The following MAGOH variants were observed in gnomAD, a reference collection of about 807,000 sequenced individuals.
The protein encoded by MAGOH is mago homolog, exon junction complex subunit.
In MAGOH, 3 loss-of-function variants were observed where a neutral mutation model predicts 20.9. That is an observed-to-expected ratio of 0.14 (90% CI 0.07 to 0.37). MAGOH has a LOEUF of 0.37. Ranked by LOEUF, MAGOH falls within the 10% of genes least tolerant of loss-of-function variation. The pLI, the probability that MAGOH is intolerant of heterozygous loss-of-function variation, is 1.00. For synonymous variants in MAGOH, 51 were observed against 61.0 expected, an observed-to-expected ratio of 0.84 and a Z score of 0.76; for missense variants, 66 against 178.1, an observed-to-expected ratio of 0.37 and a Z score of 3.58.
chr1:53,233,767 T>C lies in MAGOH; in HGVS notation c.148-115A>G. ...TGCAGACTTATTTCTGGCATCTCCT[T>C]AAGTGGGAAGACATTCATGCTCAAC... On this transcript the variant is annotated intron_variant, in intron 2 of 4. Transcript: ENST00000371470. The C allele has an allele frequency of 5.5e-6, 4 of 721,238 alleles. No individual in the cohort carries two copies. The East Asian group carries it at 1.0e-4, about 18-fold the overall frequency. 44.7% of individuals were successfully genotyped at this position (721,238 alleles called of 1,614,324 possible). A position where few individuals can be genotyped will look rare whatever the true frequency, so the allele number is the denominator to read the frequency against.
intron 2 of MAGOH, 21 bp from the exon 3 acceptor site, chr1:53,233,673 A>G (rs753335964): frequency 2.0e-6 from 3 of 1,465,694 alleles, no homozygotes; most frequent in Non-Finnish European, 2.9e-6. Flanking sequence ...GTTAAAAAAC[A>G]AAATGTATGT....
chr1:53,238,301 C>T lies in MAGOH; in HGVS notation c.88+60G>A, dbSNP rs530537709. 212 of 1,517,734 alleles carry T rather than the reference C, an allele frequency of 1.4e-4. 2 individuals are homozygous for T. In the East Asian group the frequency reaches 4.4e-3, roughly 31 times the overall value. 94.0% of individuals were successfully genotyped at this position (1,517,734 alleles called of 1,614,324 possible). A position where few individuals can be genotyped will look rare whatever the true frequency, so the allele number is the denominator to read the frequency against. Reference sequence around the variant, plus strand: ...CCCACAGATTTCCGACCCTCGGCCTCCCCACTCGCCGGCCCCCAGGCCTGG... The same window carrying T: ...CCCACAGATTTCCGACCCTCGGCCTTCCCACTCGCCGGCCCCCAGGCCTGG... On this transcript the variant is annotated intron_variant, in intron 1 of 4. Transcript: ENST00000371470.
chr1:53,227,816 G>C (rs1645567639), intron 4 of MAGOH, among the ~76,000 whole-genome samples: 1 of 152,114 alleles, frequency 6.6e-6, no homozygotes, highest in Admixed American at 6.6e-5. Flanking sequence ...TGGGATTACA[G>C]GTGTGAGCCA....
In MAGOH at chr1:53,228,926, T is replaced by C. The variant is rs145097978; in HGVS notation, c.287A>G (p.His96Arg). 1 of 1,613,406 alleles carries C rather than the reference T, an allele frequency of 6.2e-7. No homozygotes were observed. Among genetic ancestry groups the C allele is most frequent in the Non-Finnish European group, 8.5e-7 (1 of 1,179,352 alleles). Residue 96 changes from histidine (H) to arginine (R), a missense_variant, in exon 4 of 5, where the codon CAC becomes CGC. Physicochemically the swap from His to Arg is conservative, Grantham distance 29. Coordinates refer to ENST00000371470, the MANE Select transcript of MAGOH (RefSeq NM_002370.4). ...QELEIVIGDEHISFTTSKIGS... is the reference protein window; with the variant it reads ...QELEIVIGDERISFTTSKIGS... ...AATTTTTGATGTTGTAAAAGAAATG[T>C]GTTCATCTCCAATGACGATTTCAAG... is the stretch of plus-strand genomic sequence containing the variant.
At position 53,226,983 on chromosome 1, in the gene MAGOH, G is replaced by T; in HGVS notation, c.*62C>A. The T allele has an allele frequency of 1.2e-6, 1 of 805,836 alleles. No homozygotes were observed. The highest frequency in any genetic ancestry group is 2.8e-5 in the Admixed American group (1 of 35,314). 49.9% of individuals were successfully genotyped at this position (805,836 alleles called of 1,614,324 possible). A position where few individuals can be genotyped will look rare whatever the true frequency, so the allele number is the denominator to read the frequency against. On this transcript the variant is annotated 3_prime_UTR_variant, in exon 5 of 5. Coordinates refer to ENST00000371470, the MANE Select transcript of MAGOH (RefSeq NM_002370.4). ...CATTTATAGTTCATAAAAAAATACT[G>T]CCCTGATATACACAAAATTTTCTAC...
At chr1:53,227,695 G>A (rs1168819558) in intron 4 of MAGOH, among the ~76,000 whole-genome samples, 1 of 151,854 alleles carries the variant, frequency 6.6e-6, no homozygotes, top group African/African-American at 2.4e-5. Flanking sequence ...CATGCACCAC[G>A]CCTGGCTAAT....
intron 3 of MAGOH, among the ~76,000 whole-genome samples, chr1:53,229,255 C>A (rs561146249): frequency 1.3e-5 from 2 of 150,584 alleles, no homozygotes; most frequent in Non-Finnish European, 3.0e-5. Context: ...CTGGAGTGCA[C>A]TGGCATGATC....
In MAGOH at chr1:53,238,513, G is replaced by T; in HGVS notation, c.-65C>A. 1 of 1,441,606 alleles carries T rather than the reference G, an allele frequency of 6.9e-7. No homozygotes were observed. Among genetic ancestry groups the T allele is most frequent in the Non-Finnish European group, 9.8e-7 (1 of 1,023,334 alleles). 89.3% of individuals were successfully genotyped at this position (1,441,606 alleles called of 1,614,324 possible). On this transcript the variant is annotated 5_prime_UTR_variant, in exon 1 of 5. Coordinates refer to ENST00000371470, the MANE Select transcript of MAGOH (RefSeq NM_002370.4). ...AGCCGCACTGCCGCCGTCTGCGCCC[G>T]ACACTGACGTTTGCGGCGGCGCGCG...
At chr1:53,232,785 A>G (rs1329630601) in intron 3 of MAGOH, among the ~76,000 whole-genome samples, 1 of 152,230 alleles carries the variant, frequency 6.6e-6, no homozygotes, top group African/African-American at 2.4e-5. Context: ...TCAGTGGAAT[A>G]CATAAGCAAA....
At chr1:53,235,694 A>G in intron 1 of MAGOH, 59 bp from the exon 2 acceptor site, 1 of 1,411,114 alleles carries the variant, frequency 7.1e-7, no homozygotes, top group Non-Finnish European at 1.0e-6. Flanking sequence ...AAGCATCAAT[A>G]CCATGCCAAG....
At chr1:53,229,774 C>G (rs999199405) in intron 3 of MAGOH, among the ~76,000 whole-genome samples, 2 of 152,192 alleles carry the variant, frequency 1.3e-5, no homozygotes, top group Non-Finnish European at 1.5e-5. Flanking sequence ...CGAAAACTAG[C>G]TGGGTGTGGT....
intron 1 of MAGOH, 82 bp from the exon 2 acceptor site, chr1:53,235,717 G>A: frequency 9.4e-7 from 1 of 1,060,472 alleles, no homozygotes; most frequent in Non-Finnish European, 1.4e-6. Context: ...ATCAGCAGTT[G>A]CCCAAAATGT....
At position 53,232,714 on chromosome 1, in the gene MAGOH, C is replaced by T. The variant is rs150520545; in HGVS notation, c.258+828G>A. ...TGAACACCATGACAGATTGGAAGCC[C>T]GGTAAAAGATAAGGTGGGAGTTTGA... On this transcript the variant is annotated intron_variant, in intron 3 of 4. Coordinates refer to ENST00000371470, the MANE Select transcript of MAGOH (RefSeq NM_002370.4). 1.9e-3 allele frequency among the ~76,000 whole-genome samples: 295 copies of T among 152,232 alleles called. 1 individual carries two copies. The highest frequency in any genetic ancestry group is 6.6e-3 in the African/African-American group (276 of 41,528).
rs1645606863 is a variant in MAGOH, at chr1:53,235,598, A to G, written c.126T>C (p.Asn42=). ...LRYANNSNYK[N]DVMIRKEAYV... is the part of the protein sequence containing the mutation. ...ATACCTCTTTTCTGATCATGACATCATTCTTGTAATTGCTGTTGTTGGCAT... is the reference window on the plus strand; with the variant it reads ...ATACCTCTTTTCTGATCATGACATCGTTCTTGTAATTGCTGTTGTTGGCAT... The change falls in exon 2 of 5, where the codon AAT becomes AAC. Residue 42 remains asparagine (N), a synonymous_variant. Coordinates refer to ENST00000371470, the MANE Select transcript of MAGOH (RefSeq NM_002370.4). 1.2e-6 allele frequency: 2 copies of G among 1,613,926 alleles called. No individual in the cohort carries two copies. The highest frequency in any genetic ancestry group is 2.7e-5 in the African/African-American group (2 of 74,934).
chr1:53,237,021 G>T (rs1197762406), intron 1 of MAGOH, among the ~76,000 whole-genome samples: 2 of 145,706 alleles, frequency 1.4e-5, no homozygotes, highest in Non-Finnish European at 3.0e-5. Context: ...CACTATCTCA[G>T]CTTGCTGCAA....
chr1:53,231,112 T>G (rs6676003), intron 3 of MAGOH, among the ~76,000 whole-genome samples: 74,918 of 151,996 alleles, frequency 0.49, 19,120 homozygotes, highest in East Asian at 0.61. Flanking sequence ...TTTTTCTGTT[T>G]TTATTCTAAT....
At chr1:53,230,677 C>A (rs1037949008) in intron 3 of MAGOH, among the ~76,000 whole-genome samples, 4 of 152,106 alleles carry the variant, frequency 2.6e-5, no homozygotes, top group African/African-American at 9.7e-5. Flanking sequence ...ATCCTCCCAC[C>A]TTGGCCTCCC....
At chr1:53,234,548 G>A (rs1183181307) in intron 2 of MAGOH, among the ~76,000 whole-genome samples, 1 of 151,602 alleles carries the variant, frequency 6.6e-6, no homozygotes, top group Non-Finnish European at 1.5e-5. Flanking sequence ...TAATTTTTTT[G>A]TATTTTCAGT....
intron 1 of MAGOH, among the ~76,000 whole-genome samples, chr1:53,236,263 T>C (rs1645609809): frequency 6.6e-6 from 1 of 152,242 alleles, no homozygotes; most frequent in South Asian, 2.1e-4. Flanking sequence ...GCTGTCTCTC[T>C]GCCTCAAGTT....
Sources: gnomAD v4.1 joint callset for allele counts (sites outside exome capture counted in the v4.1 genomes callset) on GRCh38, gnomAD v4.1.1 for gene constraint, MANE v1.5 for transcripts, NCBI Gene and HGNC (gene_info 2026-07-23, HGNC 2026-07-21) for gene names.